HS3ST5: variants seen among roughly 807,000 people sequenced by gnomAD.
HS3ST5 encodes heparan sulfate-glucosamine 3-sulfotransferase 5, also known as heparan sulfate glucosamine 3-O-sulfotransferase 5.
In HS3ST5, 10 loss-of-function variants were observed where a neutral mutation model predicts 25.4. The observed-to-expected ratio is 0.39, with a 90% CI of 0.24 to 0.67. The LOEUF (loss-of-function observed/expected upper bound fraction) is 0.67, where lower values mean the gene tolerates loss of function less well. Ranked by LOEUF, HS3ST5 falls within the 30% of genes least tolerant of loss-of-function variation. The pLI is 0.44. For missense variants in HS3ST5, 324 were observed against 420.7 expected, an observed-to-expected ratio of 0.77 and a Z score of 2.01; for synonymous variants, 170 against 162.4, an observed-to-expected ratio of 1.05 and a Z score of -0.36.
intron 1 of HS3ST5, among the ~76,000 whole-genome samples, chr6:114,316,098 G>A (rs556654075): frequency 3.6e-4 from 55 of 152,244 alleles, no homozygotes; most frequent in South Asian, 3.1e-3. Context: ...TAAGAGAAGC[G>A]GAAGCAGGCA....
intron 2 of HS3ST5, among the ~76,000 whole-genome samples, chr6:114,186,088 C>T (rs903629558): frequency 5.3e-5 from 8 of 152,014 alleles, no homozygotes; most frequent in East Asian, 3.9e-4. Context: ...TATCTCGCTT[C>T]CTCTCCTTGG....
intron 3 of HS3ST5, among the ~76,000 whole-genome samples, chr6:114,087,347 TA>T: frequency 6.6e-6 from 1 of 152,350 alleles, no homozygotes; most frequent in African/African-American, 2.4e-5. Context: ...TATCATTCAA[TA>T]TTCAGCTCAG....
intron 1 of HS3ST5, among the ~76,000 whole-genome samples, chr6:114,287,173 T>G (rs1292495698): frequency 1.3e-5 from 2 of 152,036 alleles, no homozygotes; most frequent in Non-Finnish European, 2.9e-5. Flanking sequence ...TATCCAAAGA[T>G]AAGTACTATT....
At chr6:114,219,230 T>C (rs1430068501) in intron 2 of HS3ST5, among the ~76,000 whole-genome samples, 1 of 152,236 alleles carries the variant, frequency 6.6e-6, no homozygotes, top group African/African-American at 2.4e-5. Context: ...TTTTTATTCT[T>C]ACCAATTTAC....
chr6:114,171,728 C>A (rs2115004513), intron 2 of HS3ST5, among the ~76,000 whole-genome samples: 1 of 152,250 alleles, frequency 6.6e-6, no homozygotes, highest in African/African-American at 2.4e-5. Flanking sequence ...AGTGCTGCCC[C>A]TTACTGTCTT....
chr6:114,319,064 T>A (rs1775860242), intron 1 of HS3ST5, among the ~76,000 whole-genome samples: 1 of 152,148 alleles, frequency 6.6e-6, no homozygotes, highest in Non-Finnish European at 1.5e-5. Context: ...AAAGTGGATA[T>A]ATTTATCTAG....
intron 1 of HS3ST5, among the ~76,000 whole-genome samples, chr6:114,316,718 G>GA (rs1741857235): frequency 6.6e-6 from 1 of 152,248 alleles, no homozygotes; most frequent in South Asian, 2.1e-4. Context: ...AATGCTGCTA[G>GA]AAAAAACCAA....
Position 114,089,626 on chromosome 6 carries a change from C to T in HS3ST5, c.-32-26749G>A, listed in dbSNP as rs567136456. On this transcript the variant is annotated intron_variant, in intron 3 of 4. Coordinates refer to ENST00000312719, the MANE Select transcript of HS3ST5 (RefSeq NM_153612.4). ...AAGAAGTTAACTTAAACTGATCAAA[C>T]GTCACATAGCTAAGAAATGTTGGAG... 6.6e-5 allele frequency among the ~76,000 whole-genome samples: 10 copies of T among 152,278 alleles called. No individual in the cohort carries two copies. The South Asian group carries it at 1.2e-3, about 19-fold the overall frequency.
rs553768353 is a variant in HS3ST5, at chr6:114,280,331, T to C, written c.-338-51553A>G. Reference sequence around the variant, plus strand: ...TGGCAGCCATGAAAGTTAAGAAAGATTTAACAGGGGCCTAGTGAGCTGAGC... The same window carrying C: ...TGGCAGCCATGAAAGTTAAGAAAGACTTAACAGGGGCCTAGTGAGCTGAGC... On this transcript the variant is annotated intron_variant, in intron 1 of 4. Coordinates refer to ENST00000312719, the MANE Select transcript of HS3ST5 (RefSeq NM_153612.4). Among the ~76,000 whole-genome samples the C allele has an allele frequency of 6.6e-5, 10 of 151,972 alleles. No homozygotes were observed. The East Asian group carries it at 2.0e-3, about 30-fold the overall frequency.
At chr6:114,196,822 G>A (rs1456455039) in intron 2 of HS3ST5, among the ~76,000 whole-genome samples, 1 of 152,078 alleles carries the variant, frequency 6.6e-6, no homozygotes, top group East Asian at 1.9e-4. Context: ...TTTTAAAGGA[G>A]GGGATTTGGT....
intron 1 of HS3ST5, among the ~76,000 whole-genome samples, chr6:114,294,361 G>A (rs1209469516): frequency 6.6e-6 from 1 of 151,988 alleles, no homozygotes; most frequent in Non-Finnish European, 1.5e-5. Context: ...TCCAGCTTTT[G>A]GTAAAAACTT....
intron 1 of HS3ST5, among the ~76,000 whole-genome samples, chr6:114,341,907 A>C (rs748420): frequency 0.4 from 60,876 of 151,794 alleles, 12,569 homozygotes; most frequent in African/African-American, 0.5. Flanking sequence ...TCTGGGAGAG[A>C]CTGAGAGAGA....
chr6:114,240,093 C>CTTAACGAAGTAGT (rs1772041945), intron 1 of HS3ST5, among the ~76,000 whole-genome samples: 1 of 152,020 alleles, frequency 6.6e-6, no homozygotes, highest in Non-Finnish European at 1.5e-5. Flanking sequence ...ACTTTAACTA[C>CTTAACGAAGTAGT]TATTTAACGA....
intron 1 of HS3ST5, among the ~76,000 whole-genome samples, chr6:114,232,847 C>T (rs1771664894): frequency 6.6e-6 from 1 of 152,178 alleles, no homozygotes; most frequent in East Asian, 1.9e-4. Context: ...CCATCATAAC[C>T]TTGTCTGTTT....
chr6:114,193,175 T>C (rs979256988), intron 2 of HS3ST5, among the ~76,000 whole-genome samples: 13 of 152,218 alleles, frequency 8.5e-5, no homozygotes, highest in African/African-American at 3.1e-4. Flanking sequence ...GGTGGAACCC[T>C]GGAGATGAAA....
intron 1 of HS3ST5, among the ~76,000 whole-genome samples, chr6:114,309,077 A>C (rs1775423291): frequency 6.6e-6 from 1 of 152,146 alleles, no homozygotes; most frequent in African/African-American, 2.4e-5. Context: ...ACAGAGTCAC[A>C]CTTACAGAGA....
intron 1 of HS3ST5, among the ~76,000 whole-genome samples, chr6:114,246,038 C>T (rs757255597): frequency 6.6e-6 from 1 of 151,718 alleles, no homozygotes; most frequent in African/African-American, 2.4e-5. Flanking sequence ...GCTTTGAATG[C>T]AGGCAAACTG....
chr6:114,121,316 C>A (rs1021394159), intron 3 of HS3ST5, among the ~76,000 whole-genome samples: 14 of 152,296 alleles, frequency 9.2e-5, no homozygotes, highest in Middle Eastern at 3.4e-3. Flanking sequence ...CAAGCAACCA[C>A]CACAGTGTCA....
At chr6:114,270,942 T>C (rs1453239058) in intron 1 of HS3ST5, among the ~76,000 whole-genome samples, 5 of 151,590 alleles carry the variant, frequency 3.3e-5, no homozygotes, top group East Asian at 1.9e-4. Flanking sequence ...TTAGGTTCCA[T>C]GTTTTTTTTT....
Sources: gnomAD v4.1 joint callset for allele counts (sites outside exome capture counted in the v4.1 genomes callset) on GRCh38, gnomAD v4.1.1 for gene constraint, MANE v1.5 for transcripts, NCBI Gene and HGNC (gene_info 2026-07-23, HGNC 2026-07-21) for gene names.